Variants in NPHS1 observed in about 807,000 individuals in gnomAD.
NPHS1 encodes the protein NPHS1 adhesion molecule, nephrin, also known as nephrin.
In NPHS1, 107 loss-of-function variants were observed where a neutral mutation model predicts 139.7. The ratio of observed to expected loss-of-function variants is 0.77; its 90% CI spans 0.66 to 0.90. NPHS1 has a LOEUF of 0.90. Ranked by LOEUF, NPHS1 falls within the 40% of genes least tolerant of loss-of-function variation. The pLI, the probability that NPHS1 is intolerant of heterozygous loss-of-function variation, is 0.00. For synonymous variants in NPHS1, 707 were observed against 706.6 expected, an observed-to-expected ratio of 1.00 and a Z score of -0.01; for missense variants, 1,580 against 1,654.2, an observed-to-expected ratio of 0.96 and a Z score of 0.78.
chr19:35,847,962 CA>C, intron 11 of NPHS1, 78 bp downstream of exon 11: 3 of 1,473,490 alleles, frequency 2.0e-6, no homozygotes, highest in South Asian at 2.4e-5. Flanking sequence ...CAAGATTGCC[CA>C]AGATTCTGAA....
Position 35,832,537 on chromosome 19 carries a change from C to T in NPHS1, c.3167-775G>A, listed in dbSNP as rs542252407. Among the ~76,000 whole-genome samples, 53 of 110,688 alleles carry T rather than the reference C, an allele frequency of 4.8e-4. No individual in the cohort carries two copies. In the East Asian group the frequency reaches 0.025, roughly 52 times the overall value. 72.6% of individuals were successfully genotyped at this position (110,688 alleles called of 152,430 possible). Reference sequence around the variant, plus strand: ...CCAGCCTGGGCAGCAGAGCAAGACCCTGCCTCTGAAAAAAAAATCCCATCT... The same window carrying T: ...CCAGCCTGGGCAGCAGAGCAAGACCTTGCCTCTGAAAAAAAAATCCCATCT... On this transcript the variant is annotated intron_variant, in intron 23 of 28. Transcript: ENST00000378910.
At position 35,830,829 on chromosome 19, in the gene NPHS1, T is replaced by G; in HGVS notation, c.3594+15A>C. 1 of 1,510,736 alleles carries G rather than the reference T, an allele frequency of 6.6e-7. No individual in the cohort carries two copies. Among genetic ancestry groups the G allele is most frequent in the South Asian group, 1.1e-5 (1 of 89,030 alleles). The allele number at this position is 1,510,736 out of a possible 1,614,324, so 93.6% of individuals were successfully genotyped here. A position where few individuals can be genotyped will look rare whatever the true frequency, so the allele number is the denominator to read the frequency against. ...ACTAGCCAGGAAGGATGGTTGCTGA[T>G]GCAAAGCTTCTCACCATCTGCACTT... On this transcript the variant is annotated intron_variant, in intron 28 of 28. Coordinates refer to ENST00000378910, the MANE Select transcript of NPHS1 (RefSeq NM_004646.4).
intron 23 of NPHS1, 67 bp from the exon 24 acceptor site, chr19:35,831,829 C>T (rs569487123): frequency 4.6e-6 from 7 of 1,518,248 alleles, no homozygotes; most frequent in Non-Finnish European, 6.2e-6. Context: ...TGGGTCTCCC[C>T]GAGAAAGTGT....
chr19:35,839,685 A>C, intron 20 of NPHS1, 78 bp from the exon 21 acceptor site: 2 of 1,110,180 alleles, frequency 1.8e-6, no homozygotes, highest in Non-Finnish European at 2.7e-6. Context: ...TTCCCTAGGA[A>C]TGATTTTAAA....
At position 35,844,166 on chromosome 19, in the gene NPHS1, A is replaced by T; in HGVS notation, c.2149T>A (p.Tyr717Asn). 1.2e-6 allele frequency: 2 copies of T among 1,610,946 alleles called. No homozygotes were observed. The highest frequency in any genetic ancestry group is 1.7e-6 in the Non-Finnish European group (2 of 1,180,006). ...WNVTRADDGL[Y>N]QLHCQNSEGT... ...TCAGAGTTCTGGCAGTGCAGCTGAT[A>T]GAGGCCGTCGTCCGCGCGGGTCACA... The change falls in exon 16 of 29, where the codon TAT becomes AAT. Residue 717 changes from tyrosine (Y) to asparagine (N), a missense_variant. Tyr to Asn is a moderately radical substitution (Grantham distance 143). Coordinates refer to ENST00000378910, the MANE Select transcript of NPHS1 (RefSeq NM_004646.4).
In NPHS1 at chr19:35,835,710, G is replaced by C; in HGVS notation, c.3161C>G (p.Pro1054Arg). Residue 1054 changes from proline (P) to arginine (R), a missense_variant, in exon 23 of 29, where the codon CCT (proline) becomes CGT (arginine). Physicochemically the swap from Pro to Arg is moderately radical, Grantham distance 103. Coordinates refer to ENST00000378910, the MANE Select transcript of NPHS1 (RefSeq NM_004646.4). ...EPEDQLPTEP[P>R]SGPSGLPLLP... ...TCAGGGGACTGAGGACTTGCCTGAA[G>C]GTGGCTCTGTGGGCAGCTGGTCTTC... is the stretch of plus-strand genomic sequence containing the variant. The C allele has an allele frequency of 6.2e-7, 1 of 1,613,598 alleles. No homozygotes were observed. Among genetic ancestry groups the C allele is most frequent in the Non-Finnish European group, 8.5e-7 (1 of 1,179,744 alleles).
In NPHS1 at chr19:35,831,123, C is replaced by T. The variant is rs767372610; in HGVS notation, c.3411G>A (p.Pro1137=). ...TGAAGTCCCTCAGGGAGCGGTAATA[C>T]GGCTCTGCCTCTGTTGTGCTGACCT... ...SSTVSTTEAE[P]YYRSLRDFSP... The change falls in exon 27 of 29, where the codon CCG becomes CCA. Residue 1137 remains proline (P), a synonymous_variant. Coordinates refer to ENST00000378910, the MANE Select transcript of NPHS1 (RefSeq NM_004646.4). The T allele has an allele frequency of 1.6e-5, 26 of 1,613,888 alleles. No homozygotes were observed. Among genetic ancestry groups the T allele is most frequent in the Middle Eastern group, 3.3e-4 (2 of 6,010 alleles).
rs116288626 is a variant in NPHS1, at chr19:35,851,488, C to T, written c.243G>A (p.Pro81=). The change falls in exon 2 of 29, where the codon CCG becomes CCA. Residue 81 remains proline, a synonymous_variant. Transcript: ENST00000378910. ...CAGGGTCCCCTTCCAGGCGGTACCT[C>T]GGGAAGCCTGGGATCCTGGGGTCGG... ...LGPDPRIPGF[P]RYRLEGDPAR... The T allele has an allele frequency of 1.2e-5, 19 of 1,613,646 alleles. No individual in the cohort carries two copies. The highest frequency in any genetic ancestry group is 6.7e-5 in the African/African-American group (5 of 75,056).
intron 11 of NPHS1, among the ~76,000 whole-genome samples, chr19:35,847,202 C>A (rs1345591153): frequency 6.6e-6 from 1 of 151,662 alleles, no homozygotes; most frequent in Non-Finnish European, 1.5e-5. Context: ...CCTGCCACCA[C>A]GCCTGGCTAA....
intron 23 of NPHS1, among the ~76,000 whole-genome samples, chr19:35,834,926 C>T (rs539224996): frequency 3.3e-5 from 5 of 149,364 alleles, no homozygotes; most frequent in African/African-American, 4.9e-5. Context: ...TGCCGAGTGC[C>T]GTAGCTCATG....
At chr19:35,848,926 G>T in intron 8 of NPHS1, 50 bp downstream of exon 8, 1 of 1,610,876 alleles carries the variant, frequency 6.2e-7, no homozygotes, top group South Asian at 1.1e-5. Flanking sequence ...ACACACAGAT[G>T]GTTCTCTGAG....
At chr19:35,829,233 G>C (rs1972840892) in intron 28 of NPHS1, among the ~76,000 whole-genome samples, 1 of 152,194 alleles carries the variant, frequency 6.6e-6, no homozygotes, top group Non-Finnish European at 1.5e-5. Context: ...CCCTGACTCA[G>C]GGATGTGTTC....
chr19:35,847,377 G>T (rs532903540), intron 11 of NPHS1, among the ~76,000 whole-genome samples: 9 of 96,484 alleles, frequency 9.3e-5, no homozygotes, highest in Non-Finnish European at 1.5e-4. Flanking sequence ...TTTTTGAGAC[G>T]GAGTTTCGGT....
chr19:35,843,582 T>A lies in NPHS1; in HGVS notation c.2224A>T (p.Ile742Phe). Residue 742 changes from isoleucine (I) to phenylalanine (F), a missense_variant, in exon 17 of 29, where the codon ATC becomes TTC. Transcript: ENST00000378910. Reference sequence around the variant, plus strand: ...TCAGTGGGGTCCTGGAGGGCACGGATGGTGGGAGCATCTGGTGGAAGGCAG... The same window carrying A: ...TCAGTGGGGTCCTGGAGGGCACGGAAGGTGGGAGCATCTGGTGGAAGGCAG... ...LRLDVHYAPT[I>F]RALQDPTEVN... 1 of 1,613,750 alleles carries A rather than the reference T, an allele frequency of 6.2e-7. No homozygotes were observed. The highest frequency in any genetic ancestry group is 8.5e-7 in the Non-Finnish European group (1 of 1,179,820).
chr19:35,848,506 TC>T, intron 9 of NPHS1, 109 bp from the exon 10 acceptor site: 1 of 1,578,984 alleles, frequency 6.3e-7, no homozygotes, highest in Non-Finnish European at 8.6e-7. Flanking sequence ...CATCTCTACC[TC>T]CCCCTCTGTT....
intron 23 of NPHS1, 31 bp downstream of exon 23, chr19:35,835,674 G>C: frequency 6.2e-7 from 1 of 1,601,400 alleles, no homozygotes; most frequent in Non-Finnish European, 8.6e-7. Context: ...TCTCAGGGGA[G>C]CCGGGAGGGA....
chr19:35,826,201 C>T lies in NPHS1; in HGVS notation c.*313G>A. ...ACCTCAGGTGATCCACCCGCCTCAG[C>T]CTCCCAAAGTGCTGGGATTATAGGC... On this transcript the variant is annotated 3_prime_UTR_variant, in exon 29 of 29. Transcript: ENST00000378910. The T allele has an allele frequency of 3.2e-6, 1 of 316,334 alleles. No homozygotes were observed. Among genetic ancestry groups the T allele is most frequent in the South Asian group, 3.1e-5 (1 of 32,462 alleles). 19.6% of individuals were successfully genotyped at this position (316,334 alleles called of 1,614,324 possible). A position where few individuals can be genotyped will look rare whatever the true frequency, so the allele number is the denominator to read the frequency against.
Position 35,835,728 on chromosome 19 carries a change from T to G in NPHS1, c.3143A>C (p.Gln1048Pro). 6.2e-7 allele frequency: 1 copy of G among 1,613,692 alleles called. No individual in the cohort carries two copies. Among genetic ancestry groups the G allele is most frequent in the East Asian group, 2.2e-5 (1 of 44,794 alleles). Reference protein sequence around the residue: ...LHQPSGEPEDQLPTEPPSGPS... With the variant: ...LHQPSGEPEDPLPTEPPSGPS... ...GCCTGAAGGTGGCTCTGTGGGCAGCTGGTCTTCAGGTTCTCCAGAAGGCTG... is the reference window on the plus strand; with the variant it reads ...GCCTGAAGGTGGCTCTGTGGGCAGCGGGTCTTCAGGTTCTCCAGAAGGCTG... The change falls in exon 23 of 29, where the codon CAG becomes CCG. Residue 1048 changes from glutamine to proline, a missense_variant. Gln to Pro is a moderately conservative substitution (Grantham distance 76). Coordinates refer to ENST00000378910, the MANE Select transcript of NPHS1 (RefSeq NM_004646.4).
chr19:35,825,760 G>A lies in NPHS1; in HGVS notation c.*754C>T, dbSNP rs986145513. On this transcript the variant is annotated 3_prime_UTR_variant, in exon 29 of 29. Transcript: ENST00000378910. ...TTTATGCCTCCTGTGTTAGATAACT[G>A]TCGGAAATAATAAAATAATAGGTAG... is the stretch of plus-strand genomic sequence containing the variant. Among the ~76,000 whole-genome samples, 1 of 152,080 alleles carries A rather than the reference G, an allele frequency of 6.6e-6. No homozygotes were observed. Among genetic ancestry groups the A allele is most frequent in the Non-Finnish European group, 1.5e-5 (1 of 68,020 alleles).
Sources: gnomAD v4.1 joint callset for allele counts (sites outside exome capture counted in the v4.1 genomes callset) on GRCh38, gnomAD v4.1.1 for gene constraint, MANE v1.5 for transcripts, NCBI Gene and HGNC (gene_info 2026-07-23, HGNC 2026-07-21) for gene names.